MAGEL2: variants seen among roughly 807,000 people sequenced by gnomAD.
MAGEL2 encodes MAGE family member L2.
For missense variants in MAGEL2, 1,830 were observed against 1,699.2 expected, an observed-to-expected ratio of 1.08 and a Z score of -1.35; for synonymous variants, 792 against 721.7, an observed-to-expected ratio of 1.10 and a Z score of -1.56.
rs745316396 is a variant in MAGEL2 at position 23,644,527 on chromosome 15, G to T, written c.3216C>A (p.Ala1072=). ...INRANNKLEC[A]FGYQLKEIDT... ...CAATTTCTTTCAATTGATAACCAAAGGCACACTCCAGCTTATTGTTGGCAC... is the reference window on the plus strand; with the variant it reads ...CAATTTCTTTCAATTGATAACCAAATGCACACTCCAGCTTATTGTTGGCAC... The change falls in exon 1 of 1, where the codon GCC becomes GCA. Residue 1072 remains alanine, a synonymous_variant. Transcript: ENST00000650528. 3 of 1,613,772 alleles carry T rather than the reference G, an allele frequency of 1.9e-6. No homozygotes were observed. The highest frequency in any genetic ancestry group is 2.2e-5 in the South Asian group (2 of 91,060).
Position 23,645,493 on chromosome 15 carries a change from C to T in MAGEL2, c.2250G>A (p.Met750Ile). The T allele has an allele frequency of 6.2e-7, 1 of 1,614,006 alleles. No homozygotes were observed. Among genetic ancestry groups the T allele is most frequent in the Non-Finnish European group, 8.5e-7 (1 of 1,179,898 alleles). The stretch of plus-strand genomic sequence containing the variant: ...GAGCACAGAAGGTGGCAGCAAAGAT[C>T]ATGCGGTCTTTTGAAGGGGCCCTGC... ...KERRAPSKDRMIFAATFCAPK... is the reference protein window; with the variant it reads ...KERRAPSKDRIIFAATFCAPK... Residue 750 changes from methionine (M) to isoleucine (I), a missense_variant, in exon 1 of 1, where the codon ATG (methionine) becomes ATA (isoleucine). Physicochemically the swap from Met to Ile is conservative, Grantham distance 10 (BLOSUM62 1). Coordinates refer to ENST00000650528, the MANE Select transcript of MAGEL2 (RefSeq NM_019066.5).
Position 23,645,822 on chromosome 15 carries a change from G to C in MAGEL2, c.1921C>G (p.Pro641Ala), listed in dbSNP as rs369857789. 52 of 1,587,790 alleles carry C rather than the reference G, an allele frequency of 3.3e-5. No individual in the cohort carries two copies. The highest frequency in any genetic ancestry group is 1.4e-4 in the Admixed American group (8 of 55,934). The change falls in exon 1 of 1, where the codon CCC becomes GCC. Residue 641 changes from proline (P) to alanine (A), a missense_variant. By Grantham distance (27) the Pro-to-Ala change is conservative. Transcript: ENST00000650528. Reference sequence around the variant, plus strand: ...AAGGGCTGCTCCAGCTGGACCAAGGGGGGAGCCTGCCTCTGGGCCTCCTGG... The same window carrying C: ...AAGGGCTGCTCCAGCTGGACCAAGGCGGGAGCCTGCCTCTGGGCCTCCTGG... ...PAQEAQRQAP[P>A]LVQLEQPFQG...
Position 23,647,662 on chromosome 15 carries a change from C to A in MAGEL2, c.81G>T (p.Thr27=). The change falls in exon 1 of 1, where the codon ACG becomes ACT. Residue 27 remains threonine, a synonymous_variant. Transcript: ENST00000650528. ...AAGCGGGCGGGGCCCGCATCAGAAC[C>A]GTAGGGCGGCTATAGACAGGCGGCT... ...APKPPVYSRP[T]VLMRAPPASS... 6.5e-7 allele frequency: 1 copy of A among 1,531,308 alleles called. No individual in the cohort carries two copies. Among genetic ancestry groups the A allele is most frequent in the Non-Finnish European group, 8.7e-7 (1 of 1,145,158 alleles). The allele number at this position is 1,531,308 out of a possible 1,614,324, so 94.9% of individuals were successfully genotyped here.
chr15:23,646,062 C>T lies in MAGEL2; in HGVS notation c.1681G>A (p.Val561Met). Residue 561 changes from valine to methionine, a missense_variant, in exon 1 of 1, where the codon GTG becomes ATG. Coordinates refer to ENST00000650528, the MANE Select transcript of MAGEL2 (RefSeq NM_019066.5). The surrounding 1 kb of genome is among the most constrained non-coding windows in gnomAD (Gnocchi z 4.2). ...GGGGCCGGCAGCACAGGCTGGGGCA[C>T]CTGCGGGCCAGCGGGCGGCGCCGCG... Reference protein sequence around the residue: ...VPAAPPAGPQVPQPVLPAPLS... With the variant: ...VPAAPPAGPQMPQPVLPAPLS... The T allele has an allele frequency of 2.0e-6, 3 of 1,507,828 alleles. No homozygotes were observed. The highest frequency in any genetic ancestry group is 1.3e-5 in the South Asian group (1 of 79,710). 93.4% of individuals were successfully genotyped at this position (1,507,828 alleles called of 1,614,324 possible).
chr15:23,644,179 T>G lies in MAGEL2; in HGVS notation c.3564A>C (p.Ala1188=), dbSNP rs1271460572. Residue 1188 remains alanine, a synonymous_variant, in exon 1 of 1, where the codon GCA becomes GCC. Coordinates refer to ENST00000650528, the MANE Select transcript of MAGEL2 (RefSeq NM_019066.5). The part of the protein sequence containing the change: ...AEYEFLWGPR[A]FLETSKMLVL... The stretch of plus-strand genomic sequence containing the variant: ...CAAGCATCTTGCTGGTTTCCAGGAA[T>G]GCTCGAGGGCCCCAGAGGAACTCAT... The G allele has an allele frequency of 6.2e-7, 1 of 1,613,812 alleles. No homozygotes were observed. Among genetic ancestry groups the G allele is most frequent in the Admixed American group, 1.7e-5 (1 of 59,996 alleles).
chr15:23,645,414 G>A lies in MAGEL2; in HGVS notation c.2329C>T (p.Pro777Ser), dbSNP rs1314981698. ...AHLPAAWKNLPATPETFAPSS... is the reference protein window; with the variant it reads ...AHLPAAWKNLSATPETFAPSS... ...GGAGCAAAGGTCTCCGGTGTGGCAG[G>A]CAGGTTTTTCCAGGCAGCTGGCAGG... The change falls in exon 1 of 1, where the codon CCT becomes TCT. Residue 777 changes from proline (P) to serine (S), a missense_variant. Pro to Ser is a moderately conservative substitution (Grantham distance 74). Coordinates refer to ENST00000650528, the MANE Select transcript of MAGEL2 (RefSeq NM_019066.5). 1.2e-6 allele frequency: 2 copies of A among 1,614,028 alleles called. No homozygotes were observed. The highest frequency in any genetic ancestry group is 1.7e-6 in the Non-Finnish European group (2 of 1,179,900).
In MAGEL2 at chr15:23,645,790, T is replaced by A. The variant is rs770742879; in HGVS notation, c.1953A>T (p.Gly651=). The A allele has an allele frequency of 1.3e-6, 2 of 1,590,670 alleles. No individual in the cohort carries two copies. The highest frequency in any genetic ancestry group is 1.7e-6 in the Non-Finnish European group (2 of 1,170,156). Residue 651 remains glycine, a synonymous_variant, in exon 1 of 1, where the codon GGA becomes GGT. Coordinates refer to ENST00000650528, the MANE Select transcript of MAGEL2 (RefSeq NM_019066.5). ...PLVQLEQPFQ[G]APPSQKAVQI... is the part of the protein sequence containing the mutation. ...GCACGGCTTTTTGGGAGGGCGGGGC[T>A]CCCTGAAAGGGCTGCTCCAGCTGGA...
In MAGEL2 at chr15:23,646,459, T is replaced by G; in HGVS notation, c.1284A>C (p.Pro428=). The change falls in exon 1 of 1, where the codon CCA becomes CCC. Residue 428 remains proline (P), a synonymous_variant. Coordinates refer to ENST00000650528, the MANE Select transcript of MAGEL2 (RefSeq NM_019066.5). The surrounding 1 kb of genome is among the most constrained non-coding windows in gnomAD (Gnocchi z 4.2). ...PGPPPIRPGP[P]PVRQAPPLIR... Reference sequence around the variant, plus strand: ...TCAGCGGTGGGGCCTGTCGCACCGGTGGTGGGCCAGGGCGGATGGGTGGTG... The same window carrying G: ...TCAGCGGTGGGGCCTGTCGCACCGGGGGTGGGCCAGGGCGGATGGGTGGTG... 7.1e-7 allele frequency: 1 copy of G among 1,403,000 alleles called. No individual in the cohort carries two copies. The highest frequency in any genetic ancestry group is 9.2e-7 in the Non-Finnish European group (1 of 1,089,048). 86.9% of individuals were successfully genotyped at this position (1,403,000 alleles called of 1,614,324 possible). A position where few individuals can be genotyped will look rare whatever the true frequency, so the allele number is the denominator to read the frequency against.
chr15:23,645,493 C>G lies in MAGEL2; in HGVS notation c.2250G>C (p.Met750Ile), dbSNP rs1203315466. Residue 750 changes from methionine (M) to isoleucine (I), a missense_variant, in exon 1 of 1, where the codon ATG becomes ATC. By Grantham distance (10) the Met-to-Ile change is conservative. Coordinates refer to ENST00000650528, the MANE Select transcript of MAGEL2 (RefSeq NM_019066.5). Reference sequence around the variant, plus strand: ...GAGCACAGAAGGTGGCAGCAAAGATCATGCGGTCTTTTGAAGGGGCCCTGC... The same window carrying G: ...GAGCACAGAAGGTGGCAGCAAAGATGATGCGGTCTTTTGAAGGGGCCCTGC... ...KERRAPSKDR[M>I]IFAATFCAPK... The G allele has an allele frequency of 6.2e-7, 1 of 1,614,006 alleles. No individual in the cohort carries two copies. The highest frequency in any genetic ancestry group is 8.5e-7 in the Non-Finnish European group (1 of 1,179,898).
chr15:23,645,057 C>T lies in MAGEL2; in HGVS notation c.2686G>A (p.Glu896Lys). 1 of 1,613,962 alleles carries T rather than the reference C, an allele frequency of 6.2e-7. No homozygotes were observed. Among genetic ancestry groups the T allele is most frequent in the Non-Finnish European group, 8.5e-7 (1 of 1,179,908 alleles). Residue 896 changes from glutamate to lysine, a missense_variant, in exon 1 of 1, where the codon GAG becomes AAG. Coordinates refer to ENST00000650528, the MANE Select transcript of MAGEL2 (RefSeq NM_019066.5). Reference sequence around the variant, plus strand: ...GCTAGCGTGTGGCCACGGCTGTCCTCTTGGGCTTCCAGATGCTTCTTCTTC... The same window carrying T: ...GCTAGCGTGTGGCCACGGCTGTCCTTTTGGGCTTCCAGATGCTTCTTCTTC... ...TRKKKHLEAQ[E>K]DSRGHTLAFH...
In MAGEL2 at chr15:23,644,359, C is replaced by T. The variant is rs1357977229; in HGVS notation, c.3384G>A (p.Arg1128=). ...ACAGAAAATTAAAGATCAGATCCTC[C>T]CTGACACAGTTGCCTTTCATAAAGA... is the stretch of plus-strand genomic sequence containing the variant. ...SLIFMKGNCV[R]EDLIFNFLFK... is the part of the protein sequence containing the mutation. Residue 1128 remains arginine (R), a synonymous_variant, in exon 1 of 1, where the codon AGG becomes AGA. Coordinates refer to ENST00000650528, the MANE Select transcript of MAGEL2 (RefSeq NM_019066.5). The T allele has an allele frequency of 3.1e-6, 5 of 1,613,782 alleles. No individual in the cohort carries two copies. The highest frequency in any genetic ancestry group is 2.5e-6 in the Non-Finnish European group (3 of 1,179,888).
rs1189376438 is a variant in MAGEL2 at position 23,645,963 on chromosome 15, G to A, written c.1780C>T (p.Pro594Ser). 12 of 1,563,842 alleles carry A rather than the reference G, an allele frequency of 7.7e-6. No individual in the cohort carries two copies. The highest frequency in any genetic ancestry group is 4.7e-5 in the East Asian group (2 of 42,134). The change falls in exon 1 of 1, where the codon CCC becomes TCC. Residue 594 changes from proline (P) to serine (S), a missense_variant. By Grantham distance (74) the Pro-to-Ser change is moderately conservative. Coordinates refer to ENST00000650528, the MANE Select transcript of MAGEL2 (RefSeq NM_019066.5). ...SIIWQAPKGQ[P>S]PVPHEIPTSM... ...GTTGGAATCTCGTGTGGCACCGGGG[G>A]CTGACCTTTGGGGGCCTGCCAGATG...
At position 23,646,810 on chromosome 15, in the gene MAGEL2, C is replaced by A; in HGVS notation, c.933G>T (p.Pro311=). The A allele has an allele frequency of 6.5e-7, 1 of 1,536,054 alleles. No homozygotes were observed. The highest frequency in any genetic ancestry group is 8.7e-7 in the Non-Finnish European group (1 of 1,146,798). Residue 311 remains proline, a synonymous_variant, in exon 1 of 1, where the codon CCG becomes CCT. Transcript: ENST00000650528. The surrounding 1 kb of genome is among the most constrained non-coding windows in gnomAD (Gnocchi z 4.2). ...PPASGAPMAQ[P]AAPPAQPMAP... ...CCATCGGCTGTGCAGGTGGGGCCGC[C>A]GGCTGTGCCATCGGTGCTCCTGAAG...
Position 23,647,859 on chromosome 15 carries a change from A to C in MAGEL2, c.-117T>G. On this transcript the variant is annotated 5_prime_UTR_variant, in exon 1 of 1. Coordinates refer to ENST00000650528, the MANE Select transcript of MAGEL2 (RefSeq NM_019066.5). ...AGGCTCCCTCCCTGCTGAATGCTGA[A>C]TAGGAAGTGAGTGCTGCTCGCTCCG... 1 of 1,089,666 alleles carries C rather than the reference A, an allele frequency of 9.2e-7. No homozygotes were observed. Among genetic ancestry groups the C allele is most frequent in the South Asian group, 2.0e-5 (1 of 50,876 alleles). The allele number at this position is 1,089,666 out of a possible 1,614,324, so 67.5% of individuals were successfully genotyped here.
chr15:23,645,492 T>C lies in MAGEL2; in HGVS notation c.2251A>G (p.Ile751Val), dbSNP rs374443204. The change falls in exon 1 of 1, where the codon ATC becomes GTC. Residue 751 changes from isoleucine to valine, a missense_variant. Coordinates refer to ENST00000650528, the MANE Select transcript of MAGEL2 (RefSeq NM_019066.5). ...ERRAPSKDRM[I>V]FAATFCAPKA... ...GGAGCACAGAAGGTGGCAGCAAAGA[T>C]CATGCGGTCTTTTGAAGGGGCCCTG... 1.7e-4 allele frequency: 271 copies of C among 1,613,924 alleles called. 1 individual carries two copies. In the East Asian group the frequency reaches 4.8e-3, roughly 28 times the overall value.
Position 23,645,499 on chromosome 15 carries a change from G to T in MAGEL2, c.2244C>A (p.Asp748Glu). 1 of 1,613,946 alleles carries T rather than the reference G, an allele frequency of 6.2e-7. No individual in the cohort carries two copies. Among genetic ancestry groups the T allele is most frequent in the Non-Finnish European group, 8.5e-7 (1 of 1,179,848 alleles). ...AGAAGGTGGCAGCAAAGATCATGCG[G>T]TCTTTTGAAGGGGCCCTGCGCTCCT... ...SSKERRAPSK[D>E]RMIFAATFCA... The change falls in exon 1 of 1, where the codon GAC becomes GAA. Residue 748 changes from aspartate (D) to glutamate (E), a missense_variant. Transcript: ENST00000650528.
In MAGEL2 at chr15:23,646,397, G is replaced by A; in HGVS notation, c.1346C>T (p.Pro449Leu). Residue 449 changes from proline (P) to leucine (L), a missense_variant, in exon 1 of 1, where the codon CCC becomes CTC. Physicochemically the swap from Pro to Leu is moderately conservative, Grantham distance 98. Transcript: ENST00000650528. This position sits in a 1 kb window ranked among gnomAD's most constrained non-coding sequence, Gnocchi z 4.2. ...CACGGGTGGGGCCTGGCGGATCACG[G>A]GTGGGGCCTGGCGGATCACCGGTGG... ...QAPPVIRQAP[P>L]VIRQAPPVIR... The A allele has an allele frequency of 2.1e-6, 3 of 1,402,142 alleles. No individual in the cohort carries two copies. The highest frequency in any genetic ancestry group is 2.8e-6 in the Non-Finnish European group (3 of 1,089,874). The allele number at this position is 1,402,142 out of a possible 1,614,324, so 86.9% of individuals were successfully genotyped here.
chr15:23,646,634 G>T lies in MAGEL2; in HGVS notation c.1109C>A (p.Ala370Glu), dbSNP rs930141240. Residue 370 changes from alanine (A) to glutamate (E), a missense_variant, in exon 1 of 1, where the codon GCG becomes GAG. Ala to Glu is a moderately radical substitution (Grantham distance 107). Coordinates refer to ENST00000650528, the MANE Select transcript of MAGEL2 (RefSeq NM_019066.5). This position sits in a 1 kb window ranked among gnomAD's most constrained non-coding sequence, Gnocchi z 4.2. ...CGTGGCCTGCCATCCTGGCGAGGTC[G>T]CCTGCCAGCCCGGGGGTGTGGCTAG... ...AQLATPPGWQ[A>E]TSPGWQATQQ... 8.1e-6 allele frequency: 12 copies of T among 1,477,978 alleles called. No individual in the cohort carries two copies. Among genetic ancestry groups the T allele is most frequent in the African/African-American group, 1.4e-5 (1 of 71,446 alleles). The allele number at this position is 1,477,978 out of a possible 1,614,324, so 91.6% of individuals were successfully genotyped here. A position where few individuals can be genotyped will look rare whatever the true frequency, so the allele number is the denominator to read the frequency against.
At position 23,644,064 on chromosome 15, in the gene MAGEL2, C is replaced by T; in HGVS notation, c.3679G>A (p.Asp1227Asn). Residue 1227 changes from aspartate (D) to asparagine (N), a missense_variant, in exon 1 of 1, where the codon GAC becomes AAC. Physicochemically the swap from Asp to Asn is conservative, Grantham distance 23. Coordinates refer to ENST00000650528, the MANE Select transcript of MAGEL2 (RefSeq NM_019066.5). The stretch of plus-strand genomic sequence containing the variant: ...GTGTCAGGTTCATCCTCATCTGTGT[C>T]TTCCCACTCACACTCTGCGAGCGCT... ...LEALAECEWE[D>N]TDEDEPDTGD... 1 of 1,613,764 alleles carries T rather than the reference C, an allele frequency of 6.2e-7. No individual in the cohort carries two copies. Among genetic ancestry groups the T allele is most frequent in the Non-Finnish European group, 8.5e-7 (1 of 1,179,808 alleles).
Sources: allele counts gnomAD v4.1 joint callset, GRCh38; gene constraint gnomAD v4.1.1; non-coding constraint Gnocchi (gnomAD v3.1); transcripts MANE v1.5; gene names NCBI Gene and HGNC (gene_info 2026-07-23, HGNC 2026-07-21).